Variants in CLDN20 observed in about 807,000 individuals in gnomAD.
CLDN20 encodes the protein claudin 20.
For missense variants in CLDN20, 258 were observed against 267.9 expected (o/e 0.96, Z 0.26); for synonymous variants, 104 against 103.6 (o/e 1.00, Z -0.03).
At chr6:155,269,276 T>C (rs978402167) in intron 1 of CLDN20, among the ~76,000 whole-genome samples, 6 of 151,430 alleles carry the variant, frequency 4.0e-5, no homozygotes, top group Non-Finnish European at 8.8e-5. Context: ...TTTATGGCCT[T>C]AGTCAAAAGT....
intron 1 of CLDN20, among the ~76,000 whole-genome samples, chr6:155,266,576 G>A (rs932538725): frequency 6.6e-6 from 1 of 152,082 alleles, no homozygotes; most frequent in Non-Finnish European, 1.5e-5. Context: ...GCTGGGCGCT[G>A]TGGCTCACAC....
At chr6:155,272,245 C>T (rs974959437) in intron 1 of CLDN20, among the ~76,000 whole-genome samples, 2 of 152,126 alleles carry the variant, frequency 1.3e-5, no homozygotes, top group Non-Finnish European at 2.9e-5. Flanking sequence ...AAGAATAGGT[C>T]TTTCGGTATT....
chr6:155,271,909 C>T (rs1784936400), intron 1 of CLDN20, among the ~76,000 whole-genome samples: 1 of 152,106 alleles, frequency 6.6e-6, no homozygotes, highest in Non-Finnish European at 1.5e-5. Flanking sequence ...GTTGTAACAA[C>T]AATTCCCTCC....
At chr6:155,266,023 G>T (rs545384446) in intron 1 of CLDN20, among the ~76,000 whole-genome samples, 59 of 151,938 alleles carry the variant, frequency 3.9e-4, no homozygotes, top group African/African-American at 1.4e-3. Context: ...AGCTGAGCCG[G>T]CAGCTGATTA....
intron 1 of CLDN20, among the ~76,000 whole-genome samples, chr6:155,264,532 G>T (rs934974563): frequency 6.6e-6 from 1 of 152,048 alleles, no homozygotes; most frequent in Non-Finnish European, 1.5e-5. Flanking sequence ...TCAACTACAC[G>T]GTCAGTACCT....
intron 1 of CLDN20, 24 bp from the exon 2 acceptor site, chr6:155,275,592 C>A: frequency 1.1e-6 from 1 of 901,782 alleles, no homozygotes; most frequent in Non-Finnish European, 1.7e-6. Context: ...TTCGCTCAAT[C>A]CTGGTTTTGC....
intron 1 of CLDN20, among the ~76,000 whole-genome samples, chr6:155,274,135 C>T (rs1456961390): frequency 2.0e-5 from 3 of 152,120 alleles, no homozygotes; most frequent in Admixed American, 6.5e-5. Context: ...TAAGAACTGG[C>T]CCAAGTGTCT....
chr6:155,267,913 T>C (rs1784736742), intron 1 of CLDN20, among the ~76,000 whole-genome samples: 1 of 152,204 alleles, frequency 6.6e-6, no homozygotes, highest in Non-Finnish European at 1.5e-5. Flanking sequence ...TGAGTCCTTA[T>C]AGTTTAGTCT....
In CLDN20 at chr6:155,271,557, T is replaced by C. The variant is rs558097605; in HGVS notation, c.-104-4059T>C. On this transcript the variant is annotated intron_variant, in intron 1 of 1. Transcript: ENST00000367165. ...TTTTTCTTTTATTGAAAAAAATACATATGTTAAAAAACTTTCTTCTGAATG... is the reference window on the plus strand; with the variant it reads ...TTTTTCTTTTATTGAAAAAAATACACATGTTAAAAAACTTTCTTCTGAATG... 2.6e-5 allele frequency among the ~76,000 whole-genome samples: 4 copies of C among 152,272 alleles called. No individual in the cohort carries two copies. In the East Asian group the frequency reaches 7.7e-4, roughly 29 times the overall value.
At position 155,276,302 on chromosome 6, in the gene CLDN20, G is replaced by C. The variant is rs538851441; in HGVS notation, c.583G>C (p.Asp195His). The C allele has an allele frequency of 1.2e-6, 2 of 1,613,666 alleles. No homozygotes were observed. Among genetic ancestry groups the C allele is most frequent in the Admixed American group, 3.3e-5 (2 of 59,996 alleles). The change falls in exon 2 of 2, where the codon GAC becomes CAC. Residue 195 changes from aspartate (D) to histidine (H), a missense_variant. By Grantham distance (81) the Asp-to-His change is moderately conservative. Coordinates refer to ENST00000367165, the MANE Select transcript of CLDN20 (RefSeq NM_001001346.3). ...CIKRNPEARL[D>H]PPTQQPISNT... is the part of the protein sequence containing the mutation. ...AAAAAGGAATCCAGAAGCTAGACTC[G>C]ACCCACCCACACAGCAGCCTATCTC...
chr6:155,268,961 G>A (rs9478630), intron 1 of CLDN20, among the ~76,000 whole-genome samples: 577 of 83,582 alleles, frequency 6.9e-3, no homozygotes, highest in Middle Eastern at 0.024. Flanking sequence ...AAAAAAAAAA[G>A]AAAAAAGAAA....
chr6:155,265,845 T>C (rs757409043), intron 1 of CLDN20, among the ~76,000 whole-genome samples: 4 of 150,812 alleles, frequency 2.7e-5, no homozygotes, highest in Non-Finnish European at 4.4e-5. Flanking sequence ...GGTCCCACAA[T>C]AGGCCATCTG....
intron 1 of CLDN20, 26 bp from the exon 2 acceptor site, chr6:155,275,590 A>G (rs1383338713): frequency 2.3e-6 from 2 of 887,012 alleles, no homozygotes; most frequent in Non-Finnish European, 3.5e-6. Flanking sequence ...CTTTCGCTCA[A>G]TCCTGGTTTT....
At chr6:155,272,304 G>T (rs1784956830) in intron 1 of CLDN20, among the ~76,000 whole-genome samples, 1 of 152,054 alleles carries the variant, frequency 6.6e-6, no homozygotes, top group Non-Finnish European at 1.5e-5. Context: ...TATTATTTTT[G>T]ATATAAATAA....
intron 1 of CLDN20, among the ~76,000 whole-genome samples, chr6:155,275,151 A>G (rs9371878): frequency 0.66 from 99,649 of 151,884 alleles, 33,452 homozygotes; most frequent in East Asian, 0.98. Context: ...GTGTGAACCC[A>G]GGAGGTGGAG....
chr6:155,266,719 C>T (rs1171844308), intron 1 of CLDN20, among the ~76,000 whole-genome samples: 2 of 151,708 alleles, frequency 1.3e-5, no homozygotes, highest in Non-Finnish European at 2.9e-5. Flanking sequence ...TGGTGGCGGC[C>T]GCCTGTAGTC....
intron 1 of CLDN20, among the ~76,000 whole-genome samples, chr6:155,273,528 G>A (rs1785035856): frequency 6.6e-6 from 1 of 152,174 alleles, no homozygotes; most frequent in Admixed American, 6.5e-5. Flanking sequence ...TGAGCCATGT[G>A]GCCTATTAAC....
chr6:155,272,772 A>G (rs1162327242), intron 1 of CLDN20, among the ~76,000 whole-genome samples: 1 of 152,232 alleles, frequency 6.6e-6, no homozygotes, highest in Non-Finnish European at 1.5e-5. Flanking sequence ...CACTATGCTA[A>G]TTAAATGACA....
Position 155,268,523 on chromosome 6 carries a change from C to G in CLDN20, c.-105+4235C>G, listed in dbSNP as rs184976925. On this transcript the variant is annotated intron_variant, in intron 1 of 1. Coordinates refer to ENST00000367165, the MANE Select transcript of CLDN20 (RefSeq NM_001001346.3). ...AAAATACTCAGTTAAATTACTGATTCTTTCAGAAAGACAATAAAAGCCTAC... is the reference window on the plus strand; with the variant it reads ...AAAATACTCAGTTAAATTACTGATTGTTTCAGAAAGACAATAAAAGCCTAC... Among the ~76,000 whole-genome samples, 7 of 152,304 alleles carry G rather than the reference C, an allele frequency of 4.6e-5. No homozygotes were observed. In the East Asian group the frequency reaches 1.4e-3, roughly 29 times the overall value.
Sources: allele counts gnomAD v4.1 joint callset (sites outside exome capture counted in the v4.1 genomes callset), GRCh38; gene constraint gnomAD v4.1.1; transcripts MANE v1.5; gene names NCBI Gene and HGNC (gene_info 2026-07-23, HGNC 2026-07-21).